HERC6: variants seen among roughly 807,000 people sequenced by gnomAD.
HERC6 encodes probable E3 ubiquitin-protein ligase HERC6.
In HERC6, 101 loss-of-function variants were observed where a neutral mutation model predicts 114.5. The ratio of observed to expected loss-of-function variants is 0.88; its 90% CI spans 0.75 to 1.04. The LOEUF is 1.04. HERC6 is among the 50% of genes least tolerant of loss of function. The probability of loss-of-function intolerance (pLI) is 0.00; values close to 1 mark genes in which losing one functional copy is unlikely to be tolerated. For missense variants in HERC6, 1,133 were observed against 1,230.9 expected, an observed-to-expected ratio of 0.92 and a Z score of 1.19; for synonymous variants, 408 against 436.2, an observed-to-expected ratio of 0.94 and a Z score of 0.81.
intron 1 of HERC6, among the ~76,000 whole-genome samples, chr4:88,381,650 C>T (rs750768418): frequency 2.5e-4 from 38 of 151,002 alleles, no homozygotes; most frequent in Non-Finnish European, 4.6e-4. Context: ...CTCCGCCTCC[C>T]CAGTTCAAAC....
In HERC6 at chr4:88,440,172, C is replaced by A. The variant is rs1404391766; in HGVS notation, c.2764C>A (p.Gln922Lys). Residue 922 changes from glutamine (Q) to lysine (K), a missense_variant, in exon 22 of 23, where the codon CAA becomes AAA. Gln to Lys is a moderately conservative substitution (Grantham distance 53, BLOSUM62 1). Around this residue, in one of 3 missense-constraint regions of HERC6, gnomAD observed 388 missense variants for 445.9 expected, o/e 0.87. Transcript: ENST00000264346. ...EQNSKYEQGY[Q>K]KSHPTIQLFW... Reference sequence around the variant, plus strand: ...GAATTCAAAGTATGAGCAAGGATACCAAAAATCACATCCTACTATACAGTT... The same window carrying A: ...GAATTCAAAGTATGAGCAAGGATACAAAAAATCACATCCTACTATACAGTT... 6.2e-7 allele frequency: 1 copy of A among 1,608,688 alleles called. No individual in the cohort carries two copies. Among genetic ancestry groups the A allele is most frequent in the African/African-American group, 1.3e-5 (1 of 74,924 alleles).
chr4:88,437,829 A>G, intron 20 of HERC6, 48 bp downstream of exon 20: 1 of 1,211,926 alleles, frequency 8.3e-7, no homozygotes. Context: ...CTGTACATAA[A>G]ATGTTGTATC....
intron 5 of HERC6, among the ~76,000 whole-genome samples, chr4:88,394,271 A>C (rs1179781661): frequency 6.6e-6 from 1 of 151,876 alleles, no homozygotes; most frequent in Non-Finnish European, 1.5e-5. Context: ...TCAGGAGTTC[A>C]AGACCAGCCT....
intron 2 of HERC6, 115 bp downstream of exon 2, chr4:88,383,495 A>G (rs1284786487): frequency 3.8e-6 from 3 of 788,142 alleles, no homozygotes; most frequent in Non-Finnish European, 5.5e-6. Context: ...GCAGTGGTTC[A>G]TGTCTGTAAT....
At chr4:88,423,017 C>G (rs529540129) in intron 13 of HERC6, among the ~76,000 whole-genome samples, 16 of 149,832 alleles carry the variant, frequency 1.1e-4, no homozygotes, top group Admixed American at 9.3e-4. Flanking sequence ...TTAATCTCAT[C>G]ACAATCTGTA....
At chr4:88,426,178 ATTATT>A (rs1248796163) in intron 15 of HERC6, among the ~76,000 whole-genome samples, 1 of 151,970 alleles carries the variant, frequency 6.6e-6, no homozygotes, top group Non-Finnish European at 1.5e-5. Context: ...TATTATTATT[ATTATT>A]TTGAGACAGA....
At chr4:88,380,194 A>T (rs868077857) in intron 1 of HERC6, among the ~76,000 whole-genome samples, 113 of 3,052 alleles carry the variant, frequency 0.037, 17 homozygotes, top group African/African-American at 0.14. Flanking sequence ...ATATATATAT[A>T]ATATAAATAT....
intron 15 of HERC6, among the ~76,000 whole-genome samples, 184 bp from the exon 16 acceptor site, chr4:88,428,396 A>T (rs926470243): frequency 1.2e-4 from 19 of 152,210 alleles, no homozygotes; most frequent in African/African-American, 4.6e-4. Context: ...TTGGTCCTAC[A>T]ATCACTCCAC....
Position 88,390,800 on chromosome 4 carries a change from C to G in HERC6, c.585C>G (p.Ala195=). The change falls in exon 4 of 23, where the codon GCC becomes GCG. Residue 195 remains alanine, a synonymous_variant. Transcript: ENST00000264346. ...CTGCCGGAGGGGCTCACAGCTTTGC[C>G]CTGTCTCTCTGTGGGACTTCGTTTG... ...QVAAGGAHSF[A]LSLCGTSFGW... The G allele has an allele frequency of 6.2e-7, 1 of 1,614,176 alleles. No individual in the cohort carries two copies.
chr4:88,379,372 A>T (rs926108046), intron 1 of HERC6, among the ~76,000 whole-genome samples: 8 of 152,006 alleles, frequency 5.3e-5, no homozygotes, highest in African/African-American at 1.7e-4. Flanking sequence ...ACCGAAGAGC[A>T]ACTTCCTCAG....
chr4:88,394,534 T>TATC (rs1735114527), intron 5 of HERC6, among the ~76,000 whole-genome samples: 1 of 148,176 alleles, frequency 6.7e-6, no homozygotes, highest in African/African-American at 2.5e-5. Flanking sequence ...TAGCAATTAT[T>TATC]ATTATTATTA....
rs1560527267 is a variant in HERC6 at position 88,379,159 on chromosome 4, A to C, written c.199+39A>C. The C allele has an allele frequency of 2.1e-6, 3 of 1,449,582 alleles. 1 individual carries two copies. In the South Asian group the frequency reaches 3.8e-5, roughly 18 times the overall value. 89.8% of individuals were successfully genotyped at this position (1,449,582 alleles called of 1,614,324 possible). On this transcript the variant is annotated intron_variant, in intron 1 of 22. Transcript: ENST00000264346. ...CCCAGGTGCAGGGTGTGAGGACCCC[A>C]GTACATGGGCGCGGGGGCTTGGGTA... is the stretch of plus-strand genomic sequence containing the variant.
Position 88,405,571 on chromosome 4 carries a change from T to G in HERC6, c.1232T>G (p.Phe411Cys), listed in dbSNP as rs777297782. 2 of 1,538,632 alleles carry G rather than the reference T, an allele frequency of 1.3e-6. No homozygotes were observed. The highest frequency in any genetic ancestry group is 1.8e-5 in the Admixed American group (1 of 54,256). The change falls in exon 10 of 23, where the codon TTT becomes TGT. Residue 411 changes from phenylalanine to cysteine, a missense_variant. Transcript: ENST00000264346. ...TTTTACAGTGAAATTAGAATGATATTTTCATCTCCTGCTTGTCTGACTGCA... is the reference window on the plus strand; with the variant it reads ...TTTTACAGTGAAATTAGAATGATATGTTCATCTCCTGCTTGTCTGACTGCA... ...EMAKSEIRMI[F>C]SSPACLTASF...
chr4:88,388,233 C>A (rs1183031304), intron 3 of HERC6, among the ~76,000 whole-genome samples: 1 of 151,738 alleles, frequency 6.6e-6, no homozygotes, highest in East Asian at 1.9e-4. Flanking sequence ...ACCAGCCTAG[C>A]CAACATGGTG....
At chr4:88,381,647 TCC>T (rs948654158) in intron 1 of HERC6, among the ~76,000 whole-genome samples, 6 of 141,684 alleles carry the variant, frequency 4.2e-5, no homozygotes, top group Admixed American at 7.6e-5. Flanking sequence ...AACCTCCGCC[TCC>T]CCAGTTCAAA....
Position 88,442,300 on chromosome 4 carries a change from G to A in HERC6, c.2909G>A (p.Cys970Tyr). ...GIQKMEIVFR[C>Y]PETFSERDHP... ...CAGAAAATGGAAATAGTATTTCGCTGTCCTGAAACTTTCAGTGAAAGAGAT... is the reference window on the plus strand; with the variant it reads ...CAGAAAATGGAAATAGTATTTCGCTATCCTGAAACTTTCAGTGAAAGAGAT... The change falls in exon 23 of 23, where the codon TGT (cysteine) becomes TAT (tyrosine). Residue 970 changes from cysteine (C) to tyrosine (Y), a missense_variant. Physicochemically the swap from Cys to Tyr is radical, Grantham distance 194. This residue lies in a region of HERC6 where 388 missense variants were observed against 445.9 expected (regional missense o/e 0.87). Coordinates refer to ENST00000264346, the MANE Select transcript of HERC6 (RefSeq NM_017912.4). The A allele has an allele frequency of 6.2e-7, 1 of 1,613,748 alleles. No homozygotes were observed. Among genetic ancestry groups the A allele is most frequent in the Non-Finnish European group, 8.5e-7 (1 of 1,179,798 alleles).
intron 4 of HERC6, among the ~76,000 whole-genome samples, chr4:88,392,279 G>A (rs1734962916): frequency 6.7e-6 from 1 of 150,202 alleles, no homozygotes. Context: ...CCGAGTAGCT[G>A]GGCTCACAGG....
In HERC6 at chr4:88,393,458, T is replaced by C. The variant is rs751851497; in HGVS notation, c.665-30T>C. 6.5e-6 allele frequency: 9 copies of C among 1,377,310 alleles called. No homozygotes were observed. In the South Asian group the frequency reaches 7.8e-5, roughly 12 times the overall value. 85.3% of individuals were successfully genotyped at this position (1,377,310 alleles called of 1,614,324 possible). A position where few individuals can be genotyped will look rare whatever the true frequency, so the allele number is the denominator to read the frequency against. On this transcript the variant is annotated intron_variant, in intron 4 of 22. Coordinates refer to ENST00000264346, the MANE Select transcript of HERC6 (RefSeq NM_017912.4). ...TCATGAAATCTGAGTCTGTTTCTTATACTCTAGAGATTCTGCTTTCTTTCA... is the reference window on the plus strand; with the variant it reads ...TCATGAAATCTGAGTCTGTTTCTTACACTCTAGAGATTCTGCTTTCTTTCA...
At chr4:88,420,504 T>C (rs2148934841) in intron 13 of HERC6, among the ~76,000 whole-genome samples, 1 of 152,344 alleles carries the variant, frequency 6.6e-6, no homozygotes, top group Admixed American at 6.5e-5. Context: ...TCTCTGTTTA[T>C]TTAGTTCTGC....
Sources: gnomAD v4.1 joint callset for allele counts (sites outside exome capture counted in the v4.1 genomes callset) on GRCh38, gnomAD v4.1.1 for gene constraint, gnomAD v4.1.1 regional missense constraint, MANE v1.5 for transcripts, NCBI Gene and HGNC (gene_info 2026-07-23, HGNC 2026-07-21) for gene names.